CD83: variants seen among roughly 807,000 people sequenced by gnomAD.
The protein encoded by CD83 is CD83 molecule.
CD83 carries 22 observed loss-of-function variants against 24.6 expected under a neutral mutation model. The observed-to-expected ratio is 0.90, with a 90% confidence interval of 0.64 to 1.28. The LOEUF (loss-of-function observed/expected upper bound fraction) is 1.28. Among genes scored for constraint, CD83 ranks in the 50% most tolerant of loss-of-function variants. The pLI is 0.00. For synonymous variants in CD83, 101 were observed against 103.5 expected, an observed-to-expected ratio of 0.98 and a Z score of 0.14; for missense variants, 253 against 252.8, an observed-to-expected ratio of 1.00 and a Z score of -0.01.
chr6:14,132,795 C>T (rs1350297972), intron 3 of CD83, among the ~76,000 whole-genome samples: 1 of 152,208 alleles, frequency 6.6e-6, no homozygotes, highest in Admixed American at 6.5e-5. Flanking sequence ...GAGATCTAGC[C>T]ATTGGCTCCA....
Position 14,118,040 on chromosome 6 carries a change from T to C in CD83, c.128T>C (p.Val43Ala). 1 of 1,609,358 alleles carries C rather than the reference T, an allele frequency of 6.2e-7. No homozygotes were observed. The highest frequency in any genetic ancestry group is 8.5e-7 in the Non-Finnish European group (1 of 1,178,442). ...TGCACCGCCCCCTGGGATCCGCAGG[T>C]TCCCTACACGGTCTCCTGGGTCAAG... ...LPCTAPWDPQ[V>A]PYTVSWVKLL... is the part of the protein sequence containing the mutation. The change falls in exon 2 of 5, where the codon GTT (valine) becomes GCT (alanine). Residue 43 changes from valine to alanine, a missense_variant. Physicochemically the swap from Val to Ala is moderately conservative, Grantham distance 64. Transcript: ENST00000379153.
intron 3 of CD83, among the ~76,000 whole-genome samples, chr6:14,133,408 C>G (rs1373856192): frequency 6.6e-6 from 1 of 152,230 alleles, no homozygotes; most frequent in East Asian, 1.9e-4. Context: ...TGGGACTACT[C>G]AGGCCTGTTC....
chr6:14,124,255 A>C, intron 2 of CD83, among the ~76,000 whole-genome samples: 1 of 152,134 alleles, frequency 6.6e-6, no homozygotes, highest in East Asian at 1.9e-4. Flanking sequence ...GCATATCCCA[A>C]ATTGGGACAA....
At chr6:14,122,673 T>C (rs747913819) in intron 2 of CD83, among the ~76,000 whole-genome samples, 4 of 152,188 alleles carry the variant, frequency 2.6e-5, no homozygotes, top group Non-Finnish European at 5.9e-5. Context: ...CATTGGCACC[T>C]ATAGTACTTG....
chr6:14,122,167 A>G (rs1471401127), intron 2 of CD83, among the ~76,000 whole-genome samples: 1 of 152,186 alleles, frequency 6.6e-6, no homozygotes. Context: ...TAGACTTTAT[A>G]ATATTGAGAA....
In CD83 at chr6:14,118,035, G is replaced by A. The variant is rs1289598463; in HGVS notation, c.123G>A (p.Pro41=). ...VDLPCTAPWD[P]QVPYTVSWVK... ...TGCCCTGCACCGCCCCCTGGGATCC[G>A]CAGGTTCCCTACACGGTCTCCTGGG... The change falls in exon 2 of 5, where the codon CCG becomes CCA. Residue 41 remains proline, a synonymous_variant. Transcript: ENST00000379153. The A allele has an allele frequency of 1.2e-6, 2 of 1,609,598 alleles. No homozygotes were observed. Among genetic ancestry groups the A allele is most frequent in the East Asian group, 2.2e-5 (1 of 44,570 alleles).
Position 14,133,664 on chromosome 6 carries a change from G to A in CD83, c.398G>A (p.Arg133His), listed in dbSNP as rs180756952. 4.3e-5 allele frequency: 69 copies of A among 1,612,458 alleles called. No homozygotes were observed. The highest frequency in any genetic ancestry group is 2.5e-4 in the East Asian group (11 of 44,878). The stretch of plus-strand genomic sequence containing the variant: ...TTTTTTAAAGGATGCCCTGCACAGC[G>A]TAAAGAAGAGACTTTTAAGAAATAC... ...ILRVTGCPAQ[R>H]KEETFKKYRA... Residue 133 changes from arginine (R) to histidine (H), a missense_variant, in exon 4 of 5, where the codon CGT (arginine) becomes CAT (histidine). Physicochemically the swap from Arg to His is conservative, Grantham distance 29 (BLOSUM62 0). Transcript: ENST00000379153.
intron 2 of CD83, among the ~76,000 whole-genome samples, chr6:14,118,953 C>T (rs531789441): frequency 7.2e-5 from 11 of 152,332 alleles, no homozygotes; most frequent in African/African-American, 2.2e-4. Context: ...TGTCTTACCA[C>T]GGGGGCAAAT....
chr6:14,126,004 C>T, intron 2 of CD83, among the ~76,000 whole-genome samples: 1 of 152,164 alleles, frequency 6.6e-6, no homozygotes, highest in East Asian at 1.9e-4. Context: ...AATTATACAG[C>T]ACTTTTCTTG....
intron 2 of CD83, among the ~76,000 whole-genome samples, chr6:14,121,276 C>T (rs1759662586): frequency 6.6e-6 from 1 of 151,852 alleles, no homozygotes; most frequent in South Asian, 2.1e-4. Flanking sequence ...CTCGAGTAAT[C>T]CTCCCACCTC....
intron 2 of CD83, among the ~76,000 whole-genome samples, chr6:14,123,113 T>C (rs1759708269): frequency 6.6e-6 from 1 of 151,926 alleles, no homozygotes; most frequent in Admixed American, 6.6e-5. Flanking sequence ...TTTTTTTTTT[T>C]TGAGACAGAG....
chr6:14,134,351 T>C (rs1334759584), intron 4 of CD83, among the ~76,000 whole-genome samples: 1 of 152,234 alleles, frequency 6.6e-6, no homozygotes, highest in Non-Finnish European at 1.5e-5. Flanking sequence ...GAGCTGTTGG[T>C]TGCAGGTTCT....
chr6:14,135,404 G>A lies in CD83; in HGVS notation c.*168G>A, dbSNP rs371215570. On this transcript the variant is annotated 3_prime_UTR_variant, in exon 5 of 5. Coordinates refer to ENST00000379153, the MANE Select transcript of CD83 (RefSeq NM_004233.4). ...ATCCCACCCCATTTTCTGTGGGCAGGCCTCGAAAACCATCACATGACCACA... is the reference window on the plus strand; with the variant it reads ...ATCCCACCCCATTTTCTGTGGGCAGACCTCGAAAACCATCACATGACCACA... The A allele has an allele frequency of 1.2e-4, 87 of 710,158 alleles. No individual in the cohort carries two copies. In the East Asian group the frequency reaches 1.3e-3, roughly 10 times the overall value. 44.0% of individuals were successfully genotyped at this position (710,158 alleles called of 1,614,324 possible). A position where few individuals can be genotyped will look rare whatever the true frequency, so the allele number is the denominator to read the frequency against.
At chr6:14,131,275 A>ATAT (rs1757891830) in intron 2 of CD83, among the ~76,000 whole-genome samples, 7 of 152,278 alleles carry the variant, frequency 4.6e-5, no homozygotes, top group Admixed American at 2.0e-4. Flanking sequence ...TCTCCCTAAT[A>ATAT]TAGGGTGGAA....
Position 14,129,683 on chromosome 6 carries a change from G to A in CD83, c.154-1837G>A, listed in dbSNP as rs1031066503. Reference sequence around the variant, plus strand: ...CTCAGCTCAGGGCTGGGAGGGAGCTGAGCAGGTTTTCTTGCAGGAGCGATC... The same window carrying A: ...CTCAGCTCAGGGCTGGGAGGGAGCTAAGCAGGTTTTCTTGCAGGAGCGATC... On this transcript the variant is annotated intron_variant, in intron 2 of 4. Coordinates refer to ENST00000379153, the MANE Select transcript of CD83 (RefSeq NM_004233.4). This position sits in a 1 kb window ranked among gnomAD's most constrained non-coding sequence, Gnocchi z 4.3. Among the ~76,000 whole-genome samples the A allele has an allele frequency of 2.0e-5, 3 of 152,148 alleles. No homozygotes were observed. Among genetic ancestry groups the A allele is most frequent in the Admixed American group, 1.3e-4 (2 of 15,270 alleles).
In CD83 at chr6:14,135,308, A is replaced by T; in HGVS notation, c.*72A>T. On this transcript the variant is annotated 3_prime_UTR_variant, in exon 5 of 5. Coordinates refer to ENST00000379153, the MANE Select transcript of CD83 (RefSeq NM_004233.4). ...GTGCCTGTCTGTTACACTGGAGGAG[A>T]GAAGAATGAGCCTACGCTGAAGATG... The T allele has an allele frequency of 6.6e-7, 1 of 1,515,442 alleles. No individual in the cohort carries two copies. Among genetic ancestry groups the T allele is most frequent in the Admixed American group, 1.9e-5 (1 of 52,910 alleles). The allele number at this position is 1,515,442 out of a possible 1,614,324, so 93.9% of individuals were successfully genotyped here.
rs1759908319 is a variant in CD83 at position 14,129,876 on chromosome 6, C to T, written c.154-1644C>T. Reference sequence around the variant, plus strand: ...GTGTGTGTGTGTGTATACGAGTGCACACGTGCCCATGTGTATGTATTTTCT... The same window carrying T: ...GTGTGTGTGTGTGTATACGAGTGCATACGTGCCCATGTGTATGTATTTTCT... On this transcript the variant is annotated intron_variant, in intron 2 of 4. Transcript: ENST00000379153. This position sits in a 1 kb window ranked among gnomAD's most constrained non-coding sequence, Gnocchi z 4.3. 6.6e-6 allele frequency among the ~76,000 whole-genome samples: 1 copy of T among 150,726 alleles called. No homozygotes were observed. The highest frequency in any genetic ancestry group is 1.5e-5 in the Non-Finnish European group (1 of 67,972).
chr6:14,117,860 G>A lies in CD83; in HGVS notation c.37+12G>A. 6.3e-7 allele frequency: 1 copy of A among 1,575,074 alleles called. No individual in the cohort carries two copies. The highest frequency in any genetic ancestry group is 8.6e-7 in the Non-Finnish European group (1 of 1,168,052). ...GCTCCTGAGCTGCGGTAGGGCTCGC[G>A]AGCGCCTGTCTCGCCTGTCGCCCCC... On this transcript the variant is annotated intron_variant, in intron 1 of 4. Coordinates refer to ENST00000379153, the MANE Select transcript of CD83 (RefSeq NM_004233.4). The surrounding 1 kb of genome is among the most constrained non-coding windows in gnomAD (Gnocchi z 4.6).
chr6:14,134,126 G>A (rs1757988521), intron 4 of CD83, among the ~76,000 whole-genome samples: 1 of 152,244 alleles, frequency 6.6e-6, no homozygotes, highest in African/African-American at 2.4e-5. Flanking sequence ...GTGGGTGAGG[G>A]AGTGGGCCCC....
Sources: allele counts gnomAD v4.1 joint callset (sites outside exome capture counted in the v4.1 genomes callset), GRCh38; gene constraint gnomAD v4.1.1; non-coding constraint Gnocchi (gnomAD v3.1); transcripts MANE v1.5; gene names NCBI Gene and HGNC (gene_info 2026-07-23, HGNC 2026-07-21).